The following C7orf57 variants were observed in gnomAD, a reference collection of about 807,000 sequenced individuals.
C7orf57 encodes uncharacterized protein C7orf57.
A neutral mutation model predicts 39.0 loss-of-function variants in C7orf57; 33 were observed. The ratio of observed to expected loss-of-function variants is 0.85; its 90% CI spans 0.64 to 1.13. The LOEUF (loss-of-function observed/expected upper bound fraction) is 1.13. Ranked by LOEUF, C7orf57 falls within the 50% of genes most tolerant of loss-of-function variation. The pLI is 0.00. For synonymous variants in C7orf57, 124 were observed against 137.1 expected (o/e 0.90, Z 0.67); for missense variants, 346 against 362.3 (o/e 0.95, Z 0.37).
At chr7:48,041,638 C>T in intron 3 of C7orf57, 119 bp downstream of exon 3, 1 of 800,006 alleles carries the variant, frequency 1.2e-6, no homozygotes, top group Non-Finnish European at 1.9e-6. Flanking sequence ...AGCTTAGGGC[C>T]TTGGGAAAGC....
intron 3 of C7orf57, 137 bp from the exon 4 acceptor site, chr7:48,043,344 T>C: frequency 4.6e-6 from 3 of 655,252 alleles, no homozygotes; most frequent in Non-Finnish European, 8.1e-6. Context: ...AGGGATGCTC[T>C]GTTAGTCCCT....
chr7:48,041,295 C>A, intron 2 of C7orf57, 39 bp from the exon 3 acceptor site: 1 of 1,569,836 alleles, frequency 6.4e-7, no homozygotes, highest in Admixed American at 1.8e-5. Context: ...CACCCCGACA[C>A]ACAGCAACAG....
rs957894374 is a variant in C7orf57, at chr7:48,035,727, G to A, written c.-102+97G>A. ...TCGCAGTGCGGGCAGTGCGCGCCGG[G>A]GCTGGAGGGAGGGGACCACCTTGTC... is the stretch of plus-strand genomic sequence containing the variant. On this transcript the variant is annotated intron_variant, in intron 1 of 8. Coordinates refer to ENST00000348904, the MANE Select transcript of C7orf57 (RefSeq NM_001100159.3). The surrounding 1 kb of genome is among the most constrained non-coding windows in gnomAD (Gnocchi z 4.0). The A allele has an allele frequency of 1.2e-5, 7 of 588,282 alleles. No homozygotes were observed. Among genetic ancestry groups the A allele is most frequent in the East Asian group, 6.0e-5 (2 of 33,534 alleles). The allele number at this position is 588,282 out of a possible 1,614,324, so 36.4% of individuals were successfully genotyped here.
intron 2 of C7orf57, among the ~76,000 whole-genome samples, chr7:48,037,218 G>T (rs1790401051): frequency 6.6e-6 from 1 of 152,218 alleles, no homozygotes; most frequent in African/African-American, 2.4e-5. Context: ...TTCCCAGTAG[G>T]CTCTGGAGCC....
intron 8 of C7orf57, among the ~76,000 whole-genome samples, chr7:48,057,466 T>C (rs1439802131): frequency 6.6e-6 from 1 of 152,182 alleles, no homozygotes; most frequent in African/African-American, 2.4e-5. Context: ...GTCTGCTGAT[T>C]TTGTAGCCTG....
chr7:48,042,052 T>G (rs1304864065), intron 3 of C7orf57, among the ~76,000 whole-genome samples: 1 of 152,242 alleles, frequency 6.6e-6, no homozygotes, highest in Admixed American at 6.5e-5. Flanking sequence ...AACTAAGTTA[T>G]TTGAGCTCAA....
At chr7:48,048,658 G>T (rs1360574054) in intron 5 of C7orf57, among the ~76,000 whole-genome samples, 1 of 151,762 alleles carries the variant, frequency 6.6e-6, no homozygotes, top group African/African-American at 2.4e-5. Flanking sequence ...TTTGACTAAG[G>T]CGTCCCTTGT....
chr7:48,049,676 T>C (rs1421178735), intron 5 of C7orf57, among the ~76,000 whole-genome samples: 1 of 152,210 alleles, frequency 6.6e-6, no homozygotes, highest in African/African-American at 2.4e-5. Flanking sequence ...TAGCAACTGC[T>C]TTTGAGTTAG....
At chr7:48,047,948 A>C (rs1237777205) in intron 5 of C7orf57, among the ~76,000 whole-genome samples, 1 of 152,228 alleles carries the variant, frequency 6.6e-6, no homozygotes, top group Non-Finnish European at 1.5e-5. Context: ...TACAACCTCT[A>C]GTGATAAATG....
Position 48,036,346 on chromosome 7 carries a change from ACCG to A in C7orf57, c.40_42del (p.Arg14del). 6.3e-7 allele frequency: 1 copy of A among 1,589,750 alleles called. No homozygotes were observed. Among genetic ancestry groups the A allele is most frequent in the Non-Finnish European group, 8.6e-7 (1 of 1,168,552 alleles). ...AGCAAGGAACTTCAGGGCGCCACGC[ACCG>A]CTACGCTCCCTGCGGTGAGTGCGCC... On this transcript the variant is annotated inframe_deletion, in exon 2 of 9. Coordinates refer to ENST00000348904, the MANE Select transcript of C7orf57 (RefSeq NM_001100159.3).
chr7:48,039,727 GGA>G (rs1790489365), intron 2 of C7orf57, among the ~76,000 whole-genome samples: 9 of 151,674 alleles, frequency 5.9e-5, no homozygotes, highest in African/African-American at 1.7e-4. Context: ...CCCAAGAAGA[GGA>G]TATTGTGTTA....
chr7:48,050,032 C>A, intron 6 of C7orf57, 55 bp downstream of exon 6: 1 of 1,206,462 alleles, frequency 8.3e-7, no homozygotes, highest in Non-Finnish European at 1.2e-6. Flanking sequence ...TTTGGCCTTC[C>A]GTCTTTCATC....
At chr7:48,036,416 T>A in intron 2 of C7orf57, 53 bp downstream of exon 2, 1 of 1,467,638 alleles carries the variant, frequency 6.8e-7, no homozygotes, top group Non-Finnish European at 9.1e-7. Flanking sequence ...GCGTGCACTC[T>A]GCTTGCTAGA....
At chr7:48,059,417 C>G (rs1218430707) in intron 8 of C7orf57, among the ~76,000 whole-genome samples, 2 of 152,156 alleles carry the variant, frequency 1.3e-5, no homozygotes, top group Non-Finnish European at 2.9e-5. Flanking sequence ...GCGGTGCCAT[C>G]ATGGCTCACT....
chr7:48,059,316 T>C (rs1791221356), intron 8 of C7orf57, among the ~76,000 whole-genome samples: 1 of 152,210 alleles, frequency 6.6e-6, no homozygotes, highest in African/African-American at 2.4e-5. Flanking sequence ...TAGAGTGTGT[T>C]GCTATAACTT....
At chr7:48,059,145 C>G (rs1474952341) in intron 8 of C7orf57, among the ~76,000 whole-genome samples, 1 of 152,142 alleles carries the variant, frequency 6.6e-6, no homozygotes, top group Non-Finnish European at 1.5e-5. Flanking sequence ...TTTTGACAAC[C>G]ACACTCTCTC....
intron 5 of C7orf57, among the ~76,000 whole-genome samples, chr7:48,049,024 A>AC (rs776660324): frequency 6.6e-6 from 1 of 151,744 alleles, no homozygotes; most frequent in African/African-American, 2.4e-5. Flanking sequence ...GCCCGAGTTA[A>AC]CCCCCCTCCG....
intron 3 of C7orf57, among the ~76,000 whole-genome samples, chr7:48,042,122 G>C (rs2128791587): frequency 1.3e-5 from 2 of 152,342 alleles, no homozygotes; most frequent in Middle Eastern, 6.8e-3. Context: ...CAGTGACTTG[G>C]AGAGACACTA....
At chr7:48,051,634 A>G (rs1202193207) in intron 6 of C7orf57, among the ~76,000 whole-genome samples, 4 of 139,538 alleles carry the variant, frequency 2.9e-5, no homozygotes, top group Non-Finnish European at 6.2e-5. Flanking sequence ...TACTGTGCCC[A>G]CCTCCCTCCC....
Sources: allele counts gnomAD v4.1 joint callset (sites outside exome capture counted in the v4.1 genomes callset), GRCh38; gene constraint gnomAD v4.1.1; non-coding constraint Gnocchi (gnomAD v3.1); transcripts MANE v1.5; gene names NCBI Gene and HGNC (gene_info 2026-07-23, HGNC 2026-07-21).